Variants in STK35 observed in about 807,000 individuals in gnomAD.
The protein encoded by STK35 is serine/threonine kinase 35.
A neutral mutation model predicts 37.3 loss-of-function variants in STK35; 17 were observed. That is an observed-to-expected ratio of 0.46 (90% CI 0.31 to 0.68). The LOEUF is 0.68. Among genes scored for constraint, STK35 ranks in the 30% least tolerant of loss-of-function variants. The pLI is 0.05. For synonymous variants in STK35, 385 were observed against 319.1 expected, an observed-to-expected ratio of 1.21 and a Z score of -2.20; for missense variants, 595 against 746.7, an observed-to-expected ratio of 0.80 and a Z score of 2.37.
At chr20:2,105,934 T>C (rs1369320450) in intron 2 of STK35, among the ~76,000 whole-genome samples, 1 of 152,208 alleles carries the variant, frequency 6.6e-6, no homozygotes, top group Admixed American at 6.5e-5. Context: ...GTACACTGGA[T>C]TGGATTGGTC....
intron 3 of STK35, among the ~76,000 whole-genome samples, chr20:2,129,742 C>T (rs138533993): frequency 2.6e-4 from 39 of 152,200 alleles, no homozygotes; most frequent in African/African-American, 8.7e-4. Flanking sequence ...CTGCCCAAGG[C>T]GGTCAGAGAA....
chr20:2,122,125 C>T (rs769354666), intron 3 of STK35, among the ~76,000 whole-genome samples: 1 of 152,060 alleles, frequency 6.6e-6, no homozygotes, highest in African/African-American at 2.4e-5. Flanking sequence ...TTTGAGCTCA[C>T]GAGTTTGAGA....
rs1986228856 is a variant in STK35 at position 2,144,653 on chromosome 20, G to C, written c.*907G>C. 1 of 152,966 alleles carries C rather than the reference G, an allele frequency of 6.5e-6. No homozygotes were observed. Among genetic ancestry groups the C allele is most frequent in the Admixed American group, 6.5e-5 (1 of 15,294 alleles). 9.5% of individuals were successfully genotyped at this position (152,966 alleles called of 1,614,324 possible). On this transcript the variant is annotated 3_prime_UTR_variant, in exon 4 of 4. Transcript: ENST00000381482. ...GTGGAACACAGCTGGGTCTTCAGCA[G>C]GCATCTGTCACTGCCGTGAGGTCAG... is the stretch of plus-strand genomic sequence containing the variant.
chr20:2,108,143 C>G (rs533955080), intron 2 of STK35, among the ~76,000 whole-genome samples: 1 of 152,300 alleles, frequency 6.6e-6, no homozygotes, highest in Admixed American at 6.5e-5. Flanking sequence ...ACTGCTGGGA[C>G]AGGTAGCTTA....
chr20:2,122,358 T>G (rs1013251079), intron 3 of STK35, among the ~76,000 whole-genome samples: 3 of 152,176 alleles, frequency 2.0e-5, no homozygotes, highest in African/African-American at 7.2e-5. Context: ...TCTAGTTGCA[T>G]AAGTAAACAC....
chr20:2,124,002 A>G (rs144962263), intron 3 of STK35, among the ~76,000 whole-genome samples: 1,616 of 152,338 alleles, frequency 0.011, 34 homozygotes, highest in African/African-American at 0.037. Flanking sequence ...CTTACTTTCA[A>G]GTAAATTCCT....
At chr20:2,106,389 T>C (rs1985515861) in intron 2 of STK35, among the ~76,000 whole-genome samples, 1 of 152,188 alleles carries the variant, frequency 6.6e-6, no homozygotes, top group Non-Finnish European at 1.5e-5. Context: ...AAGTCTCAAC[T>C]AAACCTAATG....
At chr20:2,129,480 G>T (rs1340553634) in intron 3 of STK35, among the ~76,000 whole-genome samples, 1 of 152,122 alleles carries the variant, frequency 6.6e-6, no homozygotes, top group Non-Finnish European at 1.5e-5. Flanking sequence ...CTCGGAATGT[G>T]TGCAGGCTCA....
intron 3 of STK35, among the ~76,000 whole-genome samples, chr20:2,143,408 G>A (rs1219990500): frequency 1.3e-5 from 2 of 152,218 alleles, no homozygotes; most frequent in African/African-American, 2.4e-5. Flanking sequence ...ATGAGTGGAA[G>A]CAGTGCTGGC....
At chr20:2,111,453 TAAG>T (rs896462598) in intron 2 of STK35, among the ~76,000 whole-genome samples, 16 of 152,100 alleles carry the variant, frequency 1.1e-4, no homozygotes, top group South Asian at 2.1e-4. Flanking sequence ...ACCCAGTACT[TAAG>T]GAGGCTGAGG....
chr20:2,113,373 C>G (rs150312534), intron 2 of STK35, among the ~76,000 whole-genome samples: 46 of 152,256 alleles, frequency 3.0e-4, no homozygotes, highest in African/African-American at 1.0e-3. Context: ...GAAACTAGGG[C>G]CTTGGCTGGT....
At chr20:2,128,715 G>A (rs934802308) in intron 3 of STK35, among the ~76,000 whole-genome samples, 2 of 152,186 alleles carry the variant, frequency 1.3e-5, no homozygotes, top group Non-Finnish European at 2.9e-5. Flanking sequence ...GCAACCACAG[G>A]ATTCCTGTGA....
At chr20:2,125,510 C>T (rs1053927396) in intron 3 of STK35, among the ~76,000 whole-genome samples, 1 of 152,246 alleles carries the variant, frequency 6.6e-6, no homozygotes, top group Non-Finnish European at 1.5e-5. Context: ...CTGCATTCTA[C>T]AGCCTCTTAA....
rs763228378 is a variant in STK35, at chr20:2,117,285, G to C, written c.1512G>C (p.Gln504His). The change falls in exon 3 of 4, where the codon CAG becomes CAC. Residue 504 changes from glutamine to histidine, a missense_variant. This residue lies in a region of STK35 where 109 missense variants were observed against 280.3 expected (regional missense o/e 0.39). Transcript: ENST00000381482. This position sits in a 1 kb window ranked among gnomAD's most constrained non-coding sequence, Gnocchi z 4.4. ...RRTSMSEGIKQLLKDMLAANP... is the reference protein window; with the variant it reads ...RRTSMSEGIKHLLKDMLAANP... Reference sequence around the variant, plus strand: ...CTTCCATGTCTGAGGGGATCAAGCAGCTCTTGAAAGATATGTTAGCTGCTA... The same window carrying C: ...CTTCCATGTCTGAGGGGATCAAGCACCTCTTGAAAGATATGTTAGCTGCTA... The C allele has an allele frequency of 6.2e-7, 1 of 1,614,176 alleles. No homozygotes were observed. The highest frequency in any genetic ancestry group is 1.7e-5 in the Admixed American group (1 of 60,020).
At chr20:2,130,844 G>T (rs894012350) in intron 3 of STK35, among the ~76,000 whole-genome samples, 3 of 152,094 alleles carry the variant, frequency 2.0e-5, no homozygotes, top group African/African-American at 7.2e-5. Flanking sequence ...TGGGGAAGGG[G>T]CTTTGGAGTC....
chr20:2,117,480 G>C lies in STK35; in HGVS notation c.*37+65G>C. ...AGACAGGGTCTCACTCTGTTGGTCAGGCTGGGGTGCAGCGGGTGCAGTGGC... is the reference window on the plus strand; with the variant it reads ...AGACAGGGTCTCACTCTGTTGGTCACGCTGGGGTGCAGCGGGTGCAGTGGC... On this transcript the variant is annotated intron_variant, in intron 3 of 3. Coordinates refer to ENST00000381482, the MANE Select transcript of STK35 (RefSeq NM_080836.4). The surrounding 1 kb of genome is among the most constrained non-coding windows in gnomAD (Gnocchi z 4.4). 2.1e-6 allele frequency: 2 copies of C among 935,040 alleles called. No individual in the cohort carries two copies. Among genetic ancestry groups the C allele is most frequent in the Non-Finnish European group, 3.1e-6 (2 of 635,378 alleles). 57.9% of individuals were successfully genotyped at this position (935,040 alleles called of 1,614,324 possible). A position where few individuals can be genotyped will look rare whatever the true frequency, so the allele number is the denominator to read the frequency against.
At chr20:2,133,970 G>A (rs1409418329) in intron 3 of STK35, among the ~76,000 whole-genome samples, 1 of 152,078 alleles carries the variant, frequency 6.6e-6, no homozygotes, top group African/African-American at 2.4e-5. Flanking sequence ...GACTTACTGG[G>A]CCTTACATGG....
Position 2,148,093 on chromosome 20 carries a change from C to T in STK35, c.*4347C>T, listed in dbSNP as rs140502918. 693 of 151,816 alleles carry T rather than the reference C, an allele frequency of 4.6e-3. 4 individuals carry two copies. Among genetic ancestry groups the T allele is most frequent in the African/African-American group, 0.016 (649 of 41,166 alleles). The allele number at this position is 151,816 out of a possible 1,614,324, so 9.4% of individuals were successfully genotyped here. A position where few individuals can be genotyped will look rare whatever the true frequency, so the allele number is the denominator to read the frequency against. On this transcript the variant is annotated 3_prime_UTR_variant, in exon 4 of 4. Transcript: ENST00000381482. ...CCCGAGGGCCCCCTAAGGTTATAGA[C>T]GGTATCAGCAGGGAGGCCGTCCCGC...
chr20:2,124,461 G>A (rs891723218), intron 3 of STK35, among the ~76,000 whole-genome samples: 4 of 152,134 alleles, frequency 2.6e-5, no homozygotes, highest in African/African-American at 7.2e-5. Flanking sequence ...AAAGGGAAAC[G>A]CTAAGCTGTA....
Sources: allele counts gnomAD v4.1 joint callset (sites outside exome capture counted in the v4.1 genomes callset), GRCh38; gene constraint gnomAD v4.1.1; regional missense constraint gnomAD v4.1.1; non-coding constraint Gnocchi (gnomAD v3.1); transcripts MANE v1.5; gene names NCBI Gene and HGNC (gene_info 2026-07-23, HGNC 2026-07-21).